Variants in MEMO1 observed in about 807,000 individuals in gnomAD.
MEMO1 encodes mediator of cell motility 1.
A neutral mutation model predicts 45.2 loss-of-function variants in MEMO1; 6 were observed. The ratio of observed to expected loss-of-function variants is 0.13; its 90% confidence interval spans 0.07 to 0.26. The LOEUF (loss-of-function observed/expected upper bound fraction) is 0.26, where lower values mean the gene tolerates loss of function less well. Ranked by LOEUF, MEMO1 falls within the 10% of genes least tolerant of loss-of-function variation. The pLI, the probability that MEMO1 is intolerant of heterozygous loss-of-function variation, is 1.00. For synonymous variants in MEMO1, 78 were observed against 124.3 expected, an observed-to-expected ratio of 0.63 and a Z score of 2.48; for missense variants, 184 against 370.5, an observed-to-expected ratio of 0.50 and a Z score of 4.13.
chr2:31,880,268 A>G (rs1264521630), intron 8 of MEMO1, among the ~76,000 whole-genome samples: 1 of 152,240 alleles, frequency 6.6e-6, no homozygotes, highest in Non-Finnish European at 1.5e-5. Flanking sequence ...TAAAAAGACT[A>G]GAAGTCAAAG....
At chr2:31,943,865 C>A (rs992071282) in intron 2 of MEMO1, among the ~76,000 whole-genome samples, 1 of 152,186 alleles carries the variant, frequency 6.6e-6, no homozygotes, top group African/African-American at 2.4e-5. Context: ...ATATCGATAA[C>A]CAGTAACTAC....
At chr2:31,915,076 G>A (rs774544033) in intron 6 of MEMO1, among the ~76,000 whole-genome samples, 1 of 151,936 alleles carries the variant, frequency 6.6e-6, no homozygotes, top group Non-Finnish European at 1.5e-5. Flanking sequence ...AGGCTACAGT[G>A]AGCCATGATC....
intron 2 of MEMO1, among the ~76,000 whole-genome samples, chr2:32,007,010 T>C (rs1674174693): frequency 6.7e-6 from 1 of 149,974 alleles, no homozygotes; most frequent in Non-Finnish European, 1.5e-5. Context: ...AATCATCCTA[T>C]GAGATTAAAT....
intron 4 of MEMO1, among the ~76,000 whole-genome samples, chr2:31,928,686 TA>T (rs1403245153): frequency 6.6e-6 from 1 of 152,184 alleles, no homozygotes; most frequent in Non-Finnish European, 1.5e-5. Flanking sequence ...CAAATGCTTT[TA>T]AATTTTATAT....
intron 1 of MEMO1, 197 bp from the exon 2 acceptor site, chr2:32,010,461 G>C (rs1674750276): frequency 2.4e-6 from 1 of 409,778 alleles, no homozygotes; most frequent in Non-Finnish European, 4.5e-6. Context: ...GGCGGCGGCA[G>C]CAACAATCAC....
chr2:31,971,225 C>T (rs1308347593), intron 2 of MEMO1, among the ~76,000 whole-genome samples: 2 of 152,102 alleles, frequency 1.3e-5, no homozygotes, highest in Non-Finnish European at 2.9e-5. Flanking sequence ...CTAACATAGG[C>T]ACAGTCACCC....
chr2:31,980,000 G>A lies in MEMO1; in HGVS notation c.61+30187C>T, dbSNP rs546066662. 2.1e-5 allele frequency among the ~76,000 whole-genome samples: 3 copies of A among 143,762 alleles called. No homozygotes were observed. In the South Asian group the frequency reaches 6.5e-4, roughly 31 times the overall value. The allele number at this position is 143,762 out of a possible 152,430, so 94.3% of individuals were successfully genotyped here. The stretch of plus-strand genomic sequence containing the variant: ...TATATCCAAGTCCAAATCAGAAACT[G>A]TCTTAATTTAAAAAAAAAAAAAAGA... On this transcript the variant is annotated intron_variant, in intron 2 of 9. Coordinates refer to ENST00000404530, the MANE Select transcript of MEMO1 (RefSeq NM_001301833.4).
At chr2:31,870,373 T>C (rs918924234) in intron 8 of MEMO1, among the ~76,000 whole-genome samples, 11 of 152,210 alleles carry the variant, frequency 7.2e-5, no homozygotes, top group Non-Finnish European at 1.6e-4. Context: ...ATCCATTATA[T>C]TCTGCCTCCT....
intron 6 of MEMO1, among the ~76,000 whole-genome samples, chr2:31,896,154 G>A (rs778929576): frequency 1.2e-4 from 19 of 152,124 alleles, no homozygotes; most frequent in Middle Eastern, 6.8e-3. Flanking sequence ...GAAAAAAATC[G>A]TGAAAGCAGC....
rs1180118952 is a variant in MEMO1, at chr2:31,994,032, C to T, written c.61+16155G>A. On this transcript the variant is annotated intron_variant, in intron 2 of 9. Transcript: ENST00000404530. ...CTTGAGTGCAGTGACATGATCTCGG[C>T]TCACTGCAACCTCTGCCTCCCAGGT... Among the ~76,000 whole-genome samples the T allele has an allele frequency of 2.2e-5, 3 of 133,386 alleles. No homozygotes were observed. The East Asian group carries it at 7.1e-4, about 32-fold the overall frequency. The allele number at this position is 133,386 out of a possible 152,430, so 87.5% of individuals were successfully genotyped here.
At chr2:31,972,511 G>C (rs1285891011) in intron 2 of MEMO1, among the ~76,000 whole-genome samples, 1 of 152,126 alleles carries the variant, frequency 6.6e-6, no homozygotes, top group African/African-American at 2.4e-5. Flanking sequence ...AGGAGTTCTA[G>C]ACCAGCCTGG....
chr2:31,957,055 T>C (rs1667487092), intron 2 of MEMO1, among the ~76,000 whole-genome samples: 1 of 150,094 alleles, frequency 6.7e-6, no homozygotes, highest in South Asian at 2.1e-4. Context: ...AGCAGGAGAA[T>C]CACTTGAACC....
intron 4 of MEMO1, among the ~76,000 whole-genome samples, chr2:31,924,404 C>A (rs10490359): frequency 0.098 from 14,678 of 150,032 alleles, 767 homozygotes; most frequent in Middle Eastern, 0.2. Flanking sequence ...TCTTTAAAGG[C>A]GTAACTTTTC....
intron 2 of MEMO1, among the ~76,000 whole-genome samples, chr2:31,961,377 G>A (rs1198323235): frequency 1.3e-5 from 2 of 151,874 alleles, no homozygotes; most frequent in African/African-American, 4.8e-5. Context: ...GCAACAATAT[G>A]CCAGAAAAAA....
intron 6 of MEMO1, among the ~76,000 whole-genome samples, chr2:31,913,845 T>C (rs1681004246): frequency 1.3e-5 from 2 of 152,190 alleles, no homozygotes; most frequent in African/African-American, 4.8e-5. Flanking sequence ...CACCTCTCAA[T>C]GCTCAATGTC....
At chr2:31,893,392 C>A in intron 6 of MEMO1, 1 of 1,070,930 alleles carries the variant, frequency 9.3e-7, no homozygotes, top group Non-Finnish European at 1.2e-6. Flanking sequence ...TAACTGTTAC[C>A]AGTTTGCTAA....
intron 4 of MEMO1, among the ~76,000 whole-genome samples, chr2:31,926,269 G>A (rs1356175697): frequency 1.3e-5 from 2 of 151,772 alleles, no homozygotes; most frequent in African/African-American, 4.8e-5. Context: ...CTACTCAGAA[G>A]GCTGGAATAG....
At chr2:31,933,348 A>AAATAT (rs1558514269) in intron 3 of MEMO1, among the ~76,000 whole-genome samples, 5 of 16,184 alleles carry the variant, frequency 3.1e-4, no homozygotes, top group African/African-American at 1.2e-3. Flanking sequence ...AAAAAAAAAA[A>AAATAT]ATTTATATAT....
intron 6 of MEMO1, among the ~76,000 whole-genome samples, chr2:31,901,251 T>C (rs140054504): frequency 4.5e-4 from 68 of 151,706 alleles, no homozygotes; most frequent in African/African-American, 1.5e-3. Flanking sequence ...CACACGCTTG[T>C]CGTCCCAGCT....
Sources: gnomAD v4.1 joint callset for allele counts (sites outside exome capture counted in the v4.1 genomes callset) on GRCh38, gnomAD v4.1.1 for gene constraint, MANE v1.5 for transcripts, NCBI Gene and HGNC (gene_info 2026-07-23, HGNC 2026-07-21) for gene names.